SOS2: variants seen among roughly 807,000 people sequenced by gnomAD.
The protein encoded by SOS2 is SOS Ras/Rho guanine nucleotide exchange factor 2, also known as son of sevenless homolog 2.
A neutral mutation model predicts 148.2 loss-of-function variants in SOS2; 65 were observed. The ratio of observed to expected loss-of-function variants is 0.44; its 90% CI spans 0.36 to 0.54. The LOEUF is 0.54. Among genes scored for constraint, SOS2 ranks in the 20% least tolerant of loss-of-function variants. The pLI is 0.00. For missense variants in SOS2, 1,341 were observed against 1,590.2 expected, an observed-to-expected ratio of 0.84 and a Z score of 2.67; for synonymous variants, 539 against 537.1, an observed-to-expected ratio of 1.00 and a Z score of -0.05.
At chr14:50,168,383 A>G (rs769502344) in intron 8 of SOS2, among the ~76,000 whole-genome samples, 1 of 152,088 alleles carries the variant, frequency 6.6e-6, no homozygotes, top group Non-Finnish European at 1.5e-5. Flanking sequence ...TACCACGCTC[A>G]GCTAATTTTA....
chr14:50,120,022 A>G (rs2139470915), intron 22 of SOS2, among the ~76,000 whole-genome samples: 1 of 152,252 alleles, frequency 6.6e-6, no homozygotes, highest in East Asian at 1.9e-4. Context: ...CATGTTGACC[A>G]GGCTGGTCTC....
At chr14:50,126,826 A>G (rs1408422895) in intron 21 of SOS2, among the ~76,000 whole-genome samples, 1 of 152,026 alleles carries the variant, frequency 6.6e-6, no homozygotes, top group Non-Finnish European at 1.5e-5. Flanking sequence ...GGGAAAAATT[A>G]TTACCAAAGC....
intron 14 of SOS2, among the ~76,000 whole-genome samples, chr14:50,146,459 C>G (rs1735898009): frequency 1.3e-5 from 2 of 152,010 alleles, no homozygotes; most frequent in South Asian, 4.2e-4. Flanking sequence ...GCCTGGCCAA[C>G]AAGGCGAAAC....
intron 21 of SOS2, among the ~76,000 whole-genome samples, chr14:50,123,255 C>T (rs796405032): frequency 2.6e-5 from 4 of 152,050 alleles, no homozygotes; most frequent in Admixed American, 1.3e-4. Context: ...TTGAGGCAGA[C>T]TGAGTGAAGG....
rs1251110606 is a variant in SOS2 at position 50,161,524 on chromosome 14, A to G, written c.1154T>C (p.Met385Thr). ...TGAATACTGCTTGTAAATTCGGTCC[A>G]TGCTACCTTGGAGATTCATGAGAGC... ...ITALMNLQGS[M>T]DRIYKQYSPR... Residue 385 changes from methionine (M) to threonine (T), a missense_variant, in exon 9 of 23, where the codon ATG becomes ACG. Around this residue, in one of 4 missense-constraint regions of SOS2, gnomAD observed 574 missense variants for 711.1 expected, o/e 0.81. Transcript: ENST00000216373. 1.2e-6 allele frequency: 2 copies of G among 1,613,392 alleles called. No homozygotes were observed. The highest frequency in any genetic ancestry group is 1.1e-5 in the South Asian group (1 of 91,068).
intron 13 of SOS2, among the ~76,000 whole-genome samples, chr14:50,150,816 G>A (rs183805836): frequency 1.3e-5 from 2 of 152,024 alleles, no homozygotes; most frequent in Admixed American, 6.6e-5. Context: ...TCCACCTCCC[G>A]GGTTCAAGCG....
intron 1 of SOS2, among the ~76,000 whole-genome samples, chr14:50,209,398 A>G (rs1886789844): frequency 6.6e-6 from 1 of 151,864 alleles, no homozygotes; most frequent in Non-Finnish European, 1.5e-5. Context: ...CAGGACAAAA[A>G]TATTGTACAC....
intron 14 of SOS2, 84 bp from the exon 15 acceptor site, chr14:50,145,680 C>A: frequency 1.1e-6 from 1 of 890,538 alleles, no homozygotes; most frequent in Non-Finnish European, 1.7e-6. Context: ...AAGAAAAAGA[C>A]AATTAACCCA....
Position 50,220,302 on chromosome 14 carries a change from T to G in SOS2, c.87+10895A>C, listed in dbSNP as rs1029726950. Among the ~76,000 whole-genome samples, 15 of 139,958 alleles carry G rather than the reference T, an allele frequency of 1.1e-4. 1 individual carries two copies. The highest frequency in any genetic ancestry group is 3.7e-4 in the African/African-American group (14 of 37,420). 91.8% of individuals were successfully genotyped at this position (139,958 alleles called of 152,430 possible). On this transcript the variant is annotated intron_variant, in intron 1 of 22. Coordinates refer to ENST00000216373, the MANE Select transcript of SOS2 (RefSeq NM_006939.4). ...GCGCCTGTAGTCCCAGCTACTAGGGTGGCTGAGGAAGGAGAATGGCGTGAA... is the reference window on the plus strand; with the variant it reads ...GCGCCTGTAGTCCCAGCTACTAGGGGGGCTGAGGAAGGAGAATGGCGTGAA...
intron 1 of SOS2, among the ~76,000 whole-genome samples, chr14:50,220,267 G>A (rs1286867947): frequency 1.3e-5 from 2 of 150,632 alleles, no homozygotes; most frequent in Admixed American, 6.6e-5. Flanking sequence ...TTAGCTGGGC[G>A]TGGTGGCGGG....
rs759387323 is a variant in SOS2, at chr14:50,231,209, C to G, written c.75G>C (p.Ser25=). 1.3e-6 allele frequency: 2 copies of G among 1,490,418 alleles called. No individual in the cohort carries two copies. The highest frequency in any genetic ancestry group is 2.6e-5 in the South Asian group (2 of 75,662). The allele number at this position is 1,490,418 out of a possible 1,614,324, so 92.3% of individuals were successfully genotyped here. ...CCCTAGCACTGACCTTCCGCAGGGC[C>G]GAGACCAACAGTCCCCGCCATTTCG... ...NSPKWRGLLV[S]ALRKVQEQVH... Residue 25 remains serine, a synonymous_variant, in exon 1 of 23, where the codon TCG becomes TCC. Transcript: ENST00000216373.
intron 6 of SOS2, 22 bp downstream of exon 6, chr14:50,182,441 A>G (rs772635504): frequency 1.4e-5 from 23 of 1,610,358 alleles, no homozygotes; most frequent in South Asian, 1.1e-4. Flanking sequence ...TAATGAGAAT[A>G]TAAGTAGTTT....
chr14:50,198,029 G>C (rs1015413340), intron 4 of SOS2, among the ~76,000 whole-genome samples: 6 of 149,314 alleles, frequency 4.0e-5, no homozygotes, highest in African/African-American at 1.5e-4. Flanking sequence ...AGTTAAGGGA[G>C]GAATGAGGAA....
chr14:50,188,423 AG>A, intron 5 of SOS2, 73 bp downstream of exon 5: 1 of 1,001,560 alleles, frequency 1.0e-6, no homozygotes, highest in Admixed American at 2.3e-5. Context: ...AATAAAAAAA[AG>A]TGACTATTTA....
rs73289621 is a variant in SOS2, at chr14:50,180,805, T to C, written c.859-123A>G. ...TTACAGTGAGCTATGATTGTGCCAC[T>C]ATATTCCAGCTCGAGCAACAGAGTG... On this transcript the variant is annotated intron_variant, in intron 6 of 22. Coordinates refer to ENST00000216373, the MANE Select transcript of SOS2 (RefSeq NM_006939.4). 3,311 of 551,948 alleles carry C rather than the reference T, an allele frequency of 6.0e-3. 86 individuals are homozygous for C. Among genetic ancestry groups the C allele is most frequent in the African/African-American group, 0.059 (2,943 of 50,258 alleles). 34.2% of individuals were successfully genotyped at this position (551,948 alleles called of 1,614,324 possible).
chr14:50,205,749 T>C (rs1886638523), intron 1 of SOS2, among the ~76,000 whole-genome samples: 1 of 151,958 alleles, frequency 6.6e-6, no homozygotes, highest in Admixed American at 6.6e-5. Flanking sequence ...CTGGCCAACA[T>C]GGTGAAACTA....
At chr14:50,161,373 C>A in intron 9 of SOS2, 109 bp downstream of exon 9, 1 of 823,770 alleles carries the variant, frequency 1.2e-6, no homozygotes, top group South Asian at 1.9e-5. Flanking sequence ...ATGACAAGCA[C>A]AACTTTCAAT....
At chr14:50,160,557 T>C (rs986847517) in intron 9 of SOS2, among the ~76,000 whole-genome samples, 2 of 152,010 alleles carry the variant, frequency 1.3e-5, no homozygotes, top group African/African-American at 4.8e-5. Context: ...TGGCTAATTT[T>C]TGTATTTTTA....
chr14:50,182,807 C>A (rs1016262694), intron 5 of SOS2, among the ~76,000 whole-genome samples: 2 of 152,218 alleles, frequency 1.3e-5, no homozygotes, highest in African/African-American at 4.8e-5. Flanking sequence ...TGACTTCTTT[C>A]TTAGACAAAG....
Sources: gnomAD v4.1 joint callset for allele counts (sites outside exome capture counted in the v4.1 genomes callset) on GRCh38, gnomAD v4.1.1 for gene constraint, gnomAD v4.1.1 regional missense constraint, MANE v1.5 for transcripts, NCBI Gene and HGNC (gene_info 2026-07-23, HGNC 2026-07-21) for gene names.